Variants in GPR152 observed in about 807,000 individuals in gnomAD.
GPR152 encodes G protein-coupled receptor 152.
For synonymous variants in GPR152, 278 were observed against 289.0 expected (o/e 0.96, Z 0.39); for missense variants, 549 against 617.2 (o/e 0.89, Z 1.17).
In GPR152 at chr11:67,452,433, G is replaced by C; in HGVS notation, c.292C>G (p.Pro98Ala). 1 of 1,612,644 alleles carries C rather than the reference G, an allele frequency of 6.2e-7. No individual in the cohort carries two copies. The highest frequency in any genetic ancestry group is 1.7e-5 in the Admixed American group (1 of 59,984). Residue 98 changes from proline to alanine, a missense_variant, in exon 1 of 1, where the codon CCG becomes GCG. Pro to Ala is a conservative substitution (Grantham distance 27). Transcript: ENST00000312457. ...AAGCGGCAGGCAGCTGTCCCCAGCG[G>C]CCAGTGTCCCCCATGCCGGATCTCT... ...ILEIRHGGHW[P>A]LGTAACRFYY... is the part of the protein sequence containing the mutation.
Position 67,452,645 on chromosome 11 carries a change from G to A in GPR152, c.80C>T (p.Pro27Leu). The A allele has an allele frequency of 6.2e-7, 1 of 1,613,288 alleles. No individual in the cohort carries two copies. The highest frequency in any genetic ancestry group is 8.5e-7 in the Non-Finnish European group (1 of 1,179,572). Residue 27 changes from proline (P) to leucine (L), a missense_variant, in exon 1 of 1, where the codon CCC becomes CTC. Physicochemically the swap from Pro to Leu is moderately conservative, Grantham distance 98. Transcript: ENST00000312457. ...RTELDDEDSY[P>L]QGGWDTVFLV... ...GAAGACCGTGTCCCAGCCACCTTGGGGGTAGGAGTCCTCATCATCAAGCTC... is the reference window on the plus strand; with the variant it reads ...GAAGACCGTGTCCCAGCCACCTTGGAGGTAGGAGTCCTCATCATCAAGCTC...
chr11:67,451,824 C>G lies in GPR152; in HGVS notation c.901G>C (p.Asp301His), dbSNP rs748077393. The G allele has an allele frequency of 1.9e-6, 3 of 1,613,098 alleles. No homozygotes were observed. The highest frequency in any genetic ancestry group is 1.7e-4 in the Middle Eastern group (1 of 6,060). ...SPFLCLMASA[D>H]LRTLLRSVLS... Reference sequence around the variant, plus strand: ...ACGGAGCGCAGCAGGGTCCGGAGGTCGGCACTGGCCATGAGGCAGAGGAAG... The same window carrying G: ...ACGGAGCGCAGCAGGGTCCGGAGGTGGGCACTGGCCATGAGGCAGAGGAAG... The change falls in exon 1 of 1, where the codon GAC becomes CAC. Residue 301 changes from aspartate to histidine, a missense_variant. By Grantham distance (81) the Asp-to-His change is moderately conservative. Coordinates refer to ENST00000312457, the MANE Select transcript of GPR152 (RefSeq NM_206997.1).
rs376372547 is a variant in GPR152 at position 67,451,315 on chromosome 11, C to T, written c.1410G>A (p.Thr470=). The T allele has an allele frequency of 2.5e-5, 39 of 1,560,728 alleles. No homozygotes were observed. The highest frequency in any genetic ancestry group is 4.8e-5 in the South Asian group (4 of 82,640). The stretch of plus-strand genomic sequence containing the variant: ...GGGCCTGCGTGTTCCTGGACCCTCA[C>T]GTGGGGCCTGCGCCCGGGGCCGCCT... ...PPEAAPGAGP[T] is the part of the protein sequence containing the mutation. Residue 470 remains threonine (T), a synonymous_variant, in exon 1 of 1, where the codon ACG becomes ACA. Coordinates refer to ENST00000312457, the MANE Select transcript of GPR152 (RefSeq NM_206997.1).
At position 67,452,352 on chromosome 11, in the gene GPR152, G is replaced by C; in HGVS notation, c.373C>G (p.Leu125Val). 6.2e-7 allele frequency: 1 copy of C among 1,611,998 alleles called. No individual in the cohort carries two copies. The highest frequency in any genetic ancestry group is 8.5e-7 in the Non-Finnish European group (1 of 1,179,646). ...GCCAGCAGGCAGCGGTCGAGGCTGA[G>C]GGCGGCCAGCAGGAAGAGGCCGGAG... is the stretch of plus-strand genomic sequence containing the variant. ...YSSGLFLLAA[L>V]SLDRCLLALC... The change falls in exon 1 of 1, where the codon CTC becomes GTC. Residue 125 changes from leucine (L) to valine (V), a missense_variant. Transcript: ENST00000312457.
In GPR152 at chr11:67,452,029, G is replaced by T. The variant is rs761214224; in HGVS notation, c.696C>A (p.Cys232Ter). 1 of 1,612,172 alleles carries T rather than the reference G, an allele frequency of 6.2e-7. No individual in the cohort carries two copies. The change falls in exon 1 of 1, where the codon TGC (cysteine) becomes TGA (stop). Residue 232 changes from cysteine (C) to a stop codon, truncating the protein, a stop_gained. Coordinates refer to ENST00000312457, the MANE Select transcript of GPR152 (RefSeq NM_206997.1). LOFTEE classifies it low-confidence loss of function (END_TRUNC). ...TCHRQQQPAA[C>*]RGFARVARTI... ...TCCTGGCCACACGGGCGAAGCCCCGGCAGGCTGCGGGCTGCTGTTGGCGGT... is the reference window on the plus strand; with the variant it reads ...TCCTGGCCACACGGGCGAAGCCCCGTCAGGCTGCGGGCTGCTGTTGGCGGT...
chr11:67,452,128 C>G lies in GPR152; in HGVS notation c.597G>C (p.Leu199=). The G allele has an allele frequency of 3.7e-6, 6 of 1,611,468 alleles. No homozygotes were observed. The highest frequency in any genetic ancestry group is 5.1e-6 in the Non-Finnish European group (6 of 1,179,904). ...EELSLRMLEV[L]GGFLPFLLLL... is the part of the protein sequence containing the mutation. ...GCAGGAGGAAAGGCAGGAAGCCCCCCAGGACCTCCAGCATCCTCAGCGACA... is the reference window on the plus strand; with the variant it reads ...GCAGGAGGAAAGGCAGGAAGCCCCCGAGGACCTCCAGCATCCTCAGCGACA... Residue 199 remains leucine (L), a synonymous_variant, in exon 1 of 1, where the codon CTG becomes CTC. Transcript: ENST00000312457.
chr11:67,451,328 C>A lies in GPR152; in HGVS notation c.1397G>T (p.Gly466Val). The A allele has an allele frequency of 6.3e-7, 1 of 1,576,638 alleles. No homozygotes were observed. The highest frequency in any genetic ancestry group is 8.6e-7 in the Non-Finnish European group (1 of 1,162,886). The part of the protein sequence containing the change: ...PSSTPPEAAP[G>V]AGPT ...CCTGGACCCTCACGTGGGGCCTGCGCCCGGGGCCGCCTCTGGCGGGGTGCT... is the reference window on the plus strand; with the variant it reads ...CCTGGACCCTCACGTGGGGCCTGCGACCGGGGCCGCCTCTGGCGGGGTGCT... Residue 466 changes from glycine to valine, a missense_variant, in exon 1 of 1, where the codon GGC becomes GTC. By Grantham distance (109) the Gly-to-Val change is moderately radical (BLOSUM62 -3). Transcript: ENST00000312457.
At position 67,452,095 on chromosome 11, in the gene GPR152, G is replaced by C. The variant is rs1459185241; in HGVS notation, c.630C>G (p.Val210=). Residue 210 remains valine, a synonymous_variant, in exon 1 of 1, where the codon GTC becomes GTG. Transcript: ENST00000312457. The part of the protein sequence containing the change: ...GGFLPFLLLL[V]CHVLTQATAC... ...CTGTGGCCTGGGTGAGCACGTGGCAGACGAGCAGCAGGAGGAAAGGCAGGA... is the reference window on the plus strand; with the variant it reads ...CTGTGGCCTGGGTGAGCACGTGGCACACGAGCAGCAGGAGGAAAGGCAGGA... 2 of 1,612,216 alleles carry C rather than the reference G, an allele frequency of 1.2e-6. No homozygotes were observed. The highest frequency in any genetic ancestry group is 1.7e-6 in the Non-Finnish European group (2 of 1,179,828).
Position 67,451,797 on chromosome 11 carries a change from G to A in GPR152, c.928C>T (p.Leu310Phe). 1.2e-6 allele frequency: 2 copies of A among 1,613,314 alleles called. No homozygotes were observed. The highest frequency in any genetic ancestry group is 1.1e-5 in the South Asian group (1 of 91,092). ...CAGAGAGCTGCCGCGAAGGACGAGA[G>A]CACGGAGCGCAGCAGGGTCCGGAGG... ...ADLRTLLRSV[L>F]SSFAAALCEE... Residue 310 changes from leucine (L) to phenylalanine (F), a missense_variant, in exon 1 of 1, where the codon CTC becomes TTC. Transcript: ENST00000312457.
Position 67,452,357 on chromosome 11 carries a change from G to T in GPR152, c.368C>A (p.Ala123Asp). The T allele has an allele frequency of 6.2e-7, 1 of 1,611,868 alleles. No individual in the cohort carries two copies. The highest frequency in any genetic ancestry group is 8.5e-7 in the Non-Finnish European group (1 of 1,179,562). ...VSYSSGLFLLAALSLDRCLLA... is the reference protein window; with the variant it reads ...VSYSSGLFLLDALSLDRCLLA... ...CAGGCAGCGGTCGAGGCTGAGGGCG[G>T]CCAGCAGGAAGAGGCCGGAGGAGTA... The change falls in exon 1 of 1, where the codon GCC (alanine) becomes GAC (aspartate). Residue 123 changes from alanine to aspartate, a missense_variant. Transcript: ENST00000312457.
At position 67,451,869 on chromosome 11, in the gene GPR152, G is replaced by A; in HGVS notation, c.856C>T (p.Leu286Phe). 2 of 1,612,820 alleles carry A rather than the reference G, an allele frequency of 1.2e-6. No homozygotes were observed. The highest frequency in any genetic ancestry group is 1.1e-5 in the South Asian group (1 of 91,090). ...ALVYSDYLIL[L>F]NSCLSPFLCL... ...AGGAAGGGGCTGAGGCAGCTGTTGA[G>A]TAGGATCAGGTAGTCGGAGTAGACC... is the stretch of plus-strand genomic sequence containing the variant. Residue 286 changes from leucine to phenylalanine, a missense_variant, in exon 1 of 1, where the codon CTC becomes TTC. Leu to Phe is a conservative substitution (Grantham distance 22). Transcript: ENST00000312457.
chr11:67,452,005 C>A lies in GPR152; in HGVS notation c.720G>T (p.Arg240Ser). The A allele has an allele frequency of 6.2e-7, 1 of 1,611,950 alleles. No homozygotes were observed. ...GGACCACATAGGCTGACAGAATGGT[C>A]CTGGCCACACGGGCGAAGCCCCGGC... Reference protein sequence around the residue: ...AACRGFARVARTILSAYVVLR... With the variant: ...AACRGFARVASTILSAYVVLR... Residue 240 changes from arginine to serine, a missense_variant, in exon 1 of 1, where the codon AGG becomes AGT. By Grantham distance (110) the Arg-to-Ser change is moderately radical. Transcript: ENST00000312457.
Position 67,452,676 on chromosome 11 carries a change from G to A in GPR152, c.49C>T (p.Arg17Cys), listed in dbSNP as rs377022444. 193 of 1,600,566 alleles carry A rather than the reference G, an allele frequency of 1.2e-4. No individual in the cohort carries two copies. Among genetic ancestry groups the A allele is most frequent in the Non-Finnish European group, 1.6e-4 (184 of 1,171,226 alleles). ...GAGTCCTCATCATCAAGCTCTGTGC[G>A]GGGCCTGTGGCCAGTGGCACCCAGG... is the stretch of plus-strand genomic sequence containing the variant. ...ADLGATGHRP[R>C]TELDDEDSYP... Residue 17 changes from arginine (R) to cysteine (C), a missense_variant, in exon 1 of 1, where the codon CGC (arginine) becomes TGC (cysteine). By Grantham distance (180) the Arg-to-Cys change is radical (BLOSUM62 -3). Transcript: ENST00000312457.
chr11:67,451,306 G>T lies in GPR152; in HGVS notation c.*6C>A, dbSNP rs1208797391. The T allele has an allele frequency of 1.3e-6, 2 of 1,545,710 alleles. No homozygotes were observed. The highest frequency in any genetic ancestry group is 2.7e-5 in the African/African-American group (2 of 72,744). ...TGCTCTGGTGGGCCTGCGTGTTCCT[G>T]GACCCTCACGTGGGGCCTGCGCCCG... On this transcript the variant is annotated 3_prime_UTR_variant, in exon 1 of 1. Transcript: ENST00000312457.
Position 67,451,480 on chromosome 11 carries a change from A to G in GPR152, c.1245T>C (p.Pro415=), listed in dbSNP as rs759441447. The G allele has an allele frequency of 1.1e-5, 17 of 1,614,174 alleles. No individual in the cohort carries two copies. Among genetic ancestry groups the G allele is most frequent in the Admixed American group, 3.3e-5 (2 of 60,028 alleles). ...QPQADTNVQT[P]APAASSVPSP... ...TGGGCACAGAACTGGCAGCAGGTGC[A>G]GGGGTCTGGACGTTAGTGTCTGCCT... Residue 415 remains proline (P), a synonymous_variant, in exon 1 of 1, where the codon CCT becomes CCC. Transcript: ENST00000312457.
rs761395961 is a variant in GPR152 at position 67,452,591 on chromosome 11, G to A, written c.134C>T (p.Pro45Leu). 6.2e-6 allele frequency: 10 copies of A among 1,611,984 alleles called. No individual in the cohort carries two copies. In the Admixed American group the frequency reaches 1.3e-4, roughly 22 times the overall value. The change falls in exon 1 of 1, where the codon CCA becomes CTA. Residue 45 changes from proline to leucine, a missense_variant. By Grantham distance (98) the Pro-to-Leu change is moderately conservative (BLOSUM62 -3). Coordinates refer to ENST00000312457, the MANE Select transcript of GPR152 (RefSeq NM_206997.1). ...CAGCCACGCCATCAACCCATTGGCT[G>A]GCAGCCCAAGGAGCAGCAGGGCCAC... ...FLVALLLLGL[P>L]ANGLMAWLAG...
Position 67,451,349 on chromosome 11 carries a change from G to T in GPR152, c.1376C>A (p.Thr459Asn), listed in dbSNP as rs374344639. Residue 459 changes from threonine to asparagine, a missense_variant, in exon 1 of 1, where the codon ACC (threonine) becomes AAC (asparagine). By Grantham distance (65) the Thr-to-Asn change is moderately conservative. Transcript: ENST00000312457. The stretch of plus-strand genomic sequence containing the variant: ...TGCGCCCGGGGCCGCCTCTGGCGGG[G>T]TGCTGCTGGGGCTTTCTCCTTCAGA... The part of the protein sequence containing the change: ...PASEGESPSS[T>N]PPEAAPGAGP... 52 of 1,599,768 alleles carry T rather than the reference G, an allele frequency of 3.3e-5. No individual in the cohort carries two copies. Among genetic ancestry groups the T allele is most frequent in the Non-Finnish European group, 4.4e-5 (52 of 1,172,370 alleles).
rs1864559593 is a variant in GPR152, at chr11:67,451,546, G to A, written c.1179C>T (p.Asn393=). The A allele has an allele frequency of 6.2e-6, 10 of 1,613,700 alleles. 1 individual carries two copies. The African/African-American group carries it at 8.0e-5, about 13-fold the overall frequency. The change falls in exon 1 of 1, where the codon AAC becomes AAT. Residue 393 remains asparagine, a synonymous_variant. Coordinates refer to ENST00000312457, the MANE Select transcript of GPR152 (RefSeq NM_206997.1). The part of the protein sequence containing the change: ...QSDPTAQPQL[N]LMAQPQSDSV... ...AATCTGACTGTGGCTGGGCCATGAG[G>A]TTCAGCTGTGGCTGGGCTGTGGGAT...
Position 67,452,393 on chromosome 11 carries a change from C to T in GPR152, c.332G>A (p.Trp111Ter), listed in dbSNP as rs1013487922. ...TAACRFYYFL[W>*]GVSYSSGLFL... ...GAGGCCGGAGGAGTAGGACACGCCC[C>T]ATAGGAAGTAGTAGAAGCGGCAGGC... The change falls in exon 1 of 1, where the codon TGG (tryptophan) becomes TAG (stop). Residue 111 changes from tryptophan (W) to a stop codon, truncating the protein, a stop_gained. Transcript: ENST00000312457. LOFTEE classifies it low-confidence loss of function (END_TRUNC). The T allele has an allele frequency of 1.2e-6, 2 of 1,612,802 alleles. No homozygotes were observed. Among genetic ancestry groups the T allele is most frequent in the Admixed American group, 3.3e-5 (2 of 59,984 alleles).
Sources: allele counts gnomAD v4.1 joint callset, GRCh38; gene constraint gnomAD v4.1.1; transcripts MANE v1.5; gene names NCBI Gene and HGNC (gene_info 2026-07-23, HGNC 2026-07-21).